TRMT9B: variants seen among roughly 807,000 people sequenced by gnomAD.
The protein encoded by TRMT9B is tRNA methyltransferase 9B (putative).
A neutral mutation model predicts 11.5 loss-of-function variants in TRMT9B; 16 were observed. The observed-to-expected ratio is 1.39, with a 90% confidence interval of 0.94 to 2.11. The LOEUF (loss-of-function observed/expected upper bound fraction) is 2.11, where lower values mean the gene tolerates loss of function less well. TRMT9B is among the 30% of genes most tolerant of loss of function. The probability of loss-of-function intolerance (pLI) is 0.00; values close to 1 mark genes in which losing one functional copy is unlikely to be tolerated. For synonymous variants in TRMT9B, 274 were observed against 192.4 expected (o/e 1.42, Z -3.51); for missense variants, 941 against 553.8 (o/e 1.70, Z -7.02).
chr8:13,013,130 G>T (rs1563430978), intron 4 of TRMT9B, among the ~76,000 whole-genome samples: 2 of 152,184 alleles, frequency 1.3e-5, no homozygotes, highest in African/African-American at 2.4e-5. Flanking sequence ...GAAAGGATTA[G>T]AGGAATCTTA....
At chr8:13,011,542 AATTAG>A (rs2128894142) in intron 3 of TRMT9B, 1 of 947,288 alleles carries the variant, frequency 1.1e-6, no homozygotes, top group Admixed American at 6.2e-5. Flanking sequence ...TCTGGAAAGT[AATTAG>A]ATTATATATC....
intron 3 of TRMT9B, among the ~76,000 whole-genome samples, chr8:13,009,185 A>G (rs1459842586): frequency 2.6e-5 from 4 of 152,120 alleles, no homozygotes; most frequent in Non-Finnish European, 5.9e-5. Context: ...TCACTTATAC[A>G]TGGGATCTAA....
intron 1 of TRMT9B, among the ~76,000 whole-genome samples, chr8:12,948,796 TA>T (rs1300714977): frequency 1.3e-5 from 2 of 151,898 alleles, no homozygotes; most frequent in Non-Finnish European, 2.9e-5. Flanking sequence ...TCATCTCTAC[TA>T]AAAATACAAA....
At chr8:12,987,516 C>T (rs1168861030) in intron 1 of TRMT9B, among the ~76,000 whole-genome samples, 2 of 152,010 alleles carry the variant, frequency 1.3e-5, no homozygotes, top group Non-Finnish European at 2.9e-5. Context: ...CGTAGGGAGA[C>T]CCCATTTCTA....
At chr8:12,953,901 G>C (rs376980100) in intron 1 of TRMT9B, among the ~76,000 whole-genome samples, 1 of 152,164 alleles carries the variant, frequency 6.6e-6, no homozygotes, top group Admixed American at 6.5e-5. Context: ...TAACGCATTT[G>C]ATCAGATTTG....
intron 1 of TRMT9B, among the ~76,000 whole-genome samples, chr8:12,973,966 C>T (rs34066924): frequency 0.026 from 3,987 of 152,152 alleles, 76 homozygotes; most frequent in South Asian, 0.089. Context: ...TTCAGACCAG[C>T]CTGAGCATTA....
Position 13,023,293 on chromosome 8 carries a change from A to C in TRMT9B, c.*1249A>C, listed in dbSNP as rs972651950. On this transcript the variant is annotated 3_prime_UTR_variant, in exon 5 of 5. Coordinates refer to ENST00000524591, the MANE Select transcript of TRMT9B (RefSeq NM_020844.3). ...AAGCACTGATTTTAGCTCTGAGAAC[A>C]AACAAATTAAGGTACAGCATAGTTA... The C allele has an allele frequency of 3.6e-5, 6 of 167,112 alleles. No individual in the cohort carries two copies. Among genetic ancestry groups the C allele is most frequent in the African/African-American group, 1.4e-4 (6 of 41,458 alleles). 10.4% of individuals were successfully genotyped at this position (167,112 alleles called of 1,614,324 possible).
chr8:12,971,947 A>T (rs897109600), intron 1 of TRMT9B, among the ~76,000 whole-genome samples: 9 of 152,138 alleles, frequency 5.9e-5, no homozygotes, highest in Non-Finnish European at 1.0e-4. Context: ...GAATTTATAA[A>T]CTCACTGGGA....
chr8:12,950,430 C>T (rs1318683168), intron 1 of TRMT9B, among the ~76,000 whole-genome samples: 1 of 152,086 alleles, frequency 6.6e-6, no homozygotes, highest in African/African-American at 2.4e-5. Flanking sequence ...CTTCTGTGTC[C>T]GAAGACATAT....
intron 1 of TRMT9B, among the ~76,000 whole-genome samples, chr8:12,958,154 T>C (rs1801563096): frequency 6.6e-6 from 1 of 152,236 alleles, no homozygotes; most frequent in African/African-American, 2.4e-5. Context: ...TGTTATAGTG[T>C]ATATCAGAAT....
At chr8:13,010,953 AT>A in intron 3 of TRMT9B, 1 of 905,618 alleles carries the variant, frequency 1.1e-6, no homozygotes, top group Non-Finnish European at 1.3e-6. Context: ...ATATGGTCAC[AT>A]TTACGTAGAA....
At position 13,022,578 on chromosome 8, in the gene TRMT9B, G is replaced by C. The variant is rs1376417490; in HGVS notation, c.*534G>C. ...TTCTACTTAAAGTTTTCAGAAAACT[G>C]AGTGACAGTGGAGAGAAACAAGAAG... On this transcript the variant is annotated 3_prime_UTR_variant, in exon 5 of 5. Transcript: ENST00000524591. 2 of 167,132 alleles carry C rather than the reference G, an allele frequency of 1.2e-5. No individual in the cohort carries two copies. The highest frequency in any genetic ancestry group is 3.9e-4 in the East Asian group (2 of 5,194). 10.4% of individuals were successfully genotyped at this position (167,132 alleles called of 1,614,324 possible). A position where few individuals can be genotyped will look rare whatever the true frequency, so the allele number is the denominator to read the frequency against.
At chr8:12,971,822 T>A (rs1388946839) in intron 1 of TRMT9B, among the ~76,000 whole-genome samples, 1 of 152,226 alleles carries the variant, frequency 6.6e-6, no homozygotes, top group African/African-American at 2.4e-5. Context: ...TTTTAGTGTT[T>A]AAATATTTCC....
Position 13,028,491 on chromosome 8 carries a change from A to G in TRMT9B, c.*6447A>G, listed in dbSNP as rs1411118512. 1 of 167,040 alleles carries G rather than the reference A, an allele frequency of 6.0e-6. No individual in the cohort carries two copies. Among genetic ancestry groups the G allele is most frequent in the Non-Finnish European group, 1.5e-5 (1 of 68,120 alleles). 10.3% of individuals were successfully genotyped at this position (167,040 alleles called of 1,614,324 possible). A position where few individuals can be genotyped will look rare whatever the true frequency, so the allele number is the denominator to read the frequency against. On this transcript the variant is annotated 3_prime_UTR_variant, in exon 5 of 5. Coordinates refer to ENST00000524591, the MANE Select transcript of TRMT9B (RefSeq NM_020844.3). ...GTTAAGCCAGTGTACCTTGATGTTGAATTCCCTGAAGAAGGTACAATTATA... is the reference window on the plus strand; with the variant it reads ...GTTAAGCCAGTGTACCTTGATGTTGGATTCCCTGAAGAAGGTACAATTATA...
At chr8:12,999,964 A>G (rs991081002) in intron 2 of TRMT9B, among the ~76,000 whole-genome samples, 2 of 152,234 alleles carry the variant, frequency 1.3e-5, no homozygotes, top group Non-Finnish European at 2.9e-5. Context: ...TATGGTAACA[A>G]GTTGTCATCT....
chr8:12,950,189 A>G (rs984982429), intron 1 of TRMT9B, among the ~76,000 whole-genome samples: 9 of 152,130 alleles, frequency 5.9e-5, no homozygotes, highest in African/African-American at 2.2e-4. Flanking sequence ...CAGACATTGG[A>G]CACCACTTCC....
rs1391944147 is a variant in TRMT9B at position 13,028,277 on chromosome 8, C to A, written c.*6233C>A. ...AATCTATCTTACCAATCTGATGGAC[C>A]ATTTGTAAGAGCTGTTTGTCAAATT... is the stretch of plus-strand genomic sequence containing the variant. On this transcript the variant is annotated 3_prime_UTR_variant, in exon 5 of 5. Transcript: ENST00000524591. 2 of 166,970 alleles carry A rather than the reference C, an allele frequency of 1.2e-5. No individual in the cohort carries two copies. The highest frequency in any genetic ancestry group is 2.9e-5 in the Non-Finnish European group (2 of 68,114). 10.3% of individuals were successfully genotyped at this position (166,970 alleles called of 1,614,324 possible).
At chr8:12,966,837 G>C (rs1386309529) in intron 1 of TRMT9B, among the ~76,000 whole-genome samples, 1 of 152,132 alleles carries the variant, frequency 6.6e-6, no homozygotes, top group East Asian at 1.9e-4. Context: ...GGGTGCAGTG[G>C]GGAAGTCTGC....
intron 3 of TRMT9B, chr8:13,007,275 C>T (rs1371924154): frequency 6.6e-6 from 1 of 152,128 alleles, no homozygotes; most frequent in Non-Finnish European, 1.5e-5. Flanking sequence ...TTTAATTAGA[C>T]AGTATTTTAA....
Sources: gnomAD v4.1 joint callset for allele counts (sites outside exome capture counted in the v4.1 genomes callset) on GRCh38, gnomAD v4.1.1 for gene constraint, MANE v1.5 for transcripts, NCBI Gene and HGNC (gene_info 2026-07-23, HGNC 2026-07-21) for gene names.